The following CFAP43 variants were observed in gnomAD, a reference collection of about 807,000 sequenced individuals.
CFAP43 encodes cilia and flagella associated protein 43.
A neutral mutation model predicts 218.9 loss-of-function variants in CFAP43; 155 were observed. The observed-to-expected ratio is 0.71, with a 90% confidence interval of 0.62 to 0.81. The LOEUF (loss-of-function observed/expected upper bound fraction) is 0.81, where lower values mean the gene tolerates loss of function less well. Among genes scored for constraint, CFAP43 ranks in the 30% least tolerant of loss-of-function variants. The pLI is 0.00. For missense variants in CFAP43, 1,778 were observed against 1,954.3 expected (o/e 0.91, Z 1.70); for synonymous variants, 645 against 681.3 (o/e 0.95, Z 0.83).
chr10:104,188,212 C>T, intron 13 of CFAP43, 58 bp downstream of exon 13: 1 of 1,571,976 alleles, frequency 6.4e-7, no homozygotes. Flanking sequence ...ACCCAAAAAA[C>T]AATAACAACA....
intron 34 of CFAP43, among the ~76,000 whole-genome samples, chr10:104,135,832 T>C (rs1475444245): frequency 6.6e-6 from 1 of 152,094 alleles, no homozygotes; most frequent in African/African-American, 2.4e-5. Flanking sequence ...TCAATGGCTT[T>C]TTTTTTTCAA....
intron 23 of CFAP43, among the ~76,000 whole-genome samples, chr10:104,165,572 C>T (rs1483462162): frequency 6.6e-6 from 1 of 152,130 alleles, no homozygotes; most frequent in East Asian, 1.9e-4. Context: ...TTTTCAGGAA[C>T]AGGGATTGCC....
At chr10:104,179,177 G>T in intron 18 of CFAP43, 71 bp from the exon 19 acceptor site, 1 of 1,289,340 alleles carries the variant, frequency 7.8e-7, no homozygotes, top group Non-Finnish European at 1.1e-6. Flanking sequence ...GAGAGAGAGA[G>T]AGAGCAATTC....
intron 3 of CFAP43, among the ~76,000 whole-genome samples, chr10:104,221,201 C>T (rs1404694149): frequency 2.0e-5 from 3 of 152,320 alleles, no homozygotes; most frequent in Non-Finnish European, 2.9e-5. Context: ...TCTCGAACTC[C>T]TGACCTCAGG....
chr10:104,199,084 C>T (rs1219609955), intron 8 of CFAP43, among the ~76,000 whole-genome samples: 1 of 152,132 alleles, frequency 6.6e-6, no homozygotes, highest in African/African-American at 2.4e-5. Context: ...CTAAATCCTA[C>T]CACATGCTAA....
intron 18 of CFAP43, 49 bp from the exon 19 acceptor site, chr10:104,179,155 C>CAGAGAGAG (rs60561340): frequency 5.6e-6 from 6 of 1,065,704 alleles, no homozygotes; most frequent in African/African-American, 1.6e-5. Context: ...AAATATCAGA[C>CAGAGAGAG]AGAGAGAGAG....
chr10:104,211,599 A>C (rs1222623187), intron 5 of CFAP43, among the ~76,000 whole-genome samples: 1 of 151,508 alleles, frequency 6.6e-6, no homozygotes, highest in Non-Finnish European at 1.5e-5. Flanking sequence ...CTTCCCTTGC[A>C]CCCTTTCTCT....
intron 10 of CFAP43, among the ~76,000 whole-genome samples, chr10:104,195,798 T>G (rs1470889317): frequency 1.3e-5 from 2 of 152,168 alleles, no homozygotes; most frequent in Admixed American, 6.5e-5. Flanking sequence ...TTGTGGTAGG[T>G]GTTTTGGGCA....
At chr10:104,164,455 T>C (rs2089047894) in intron 23 of CFAP43, among the ~76,000 whole-genome samples, 155 bp from the exon 24 acceptor site, 1 of 151,796 alleles carries the variant, frequency 6.6e-6, no homozygotes, top group African/African-American at 2.4e-5. Context: ...TGGAGTGCAG[T>C]GGCATGATCT....
At chr10:104,215,442 A>G (rs1056475107) in intron 3 of CFAP43, among the ~76,000 whole-genome samples, 1 of 151,954 alleles carries the variant, frequency 6.6e-6, no homozygotes, top group African/African-American at 2.4e-5. Context: ...CACATCAACC[A>G]CACTCTTGCT....
chr10:104,172,568 G>A, intron 19 of CFAP43, 33 bp from the exon 20 acceptor site: 1 of 1,542,006 alleles, frequency 6.5e-7, no homozygotes, highest in South Asian at 1.2e-5. Flanking sequence ...GTGCTGACAA[G>A]TAAAGAATTA....
chr10:104,216,273 T>C (rs2091009193), intron 3 of CFAP43, among the ~76,000 whole-genome samples: 1 of 152,198 alleles, frequency 6.6e-6, no homozygotes, highest in Non-Finnish European at 1.5e-5. Context: ...TGCCTAACTT[T>C]ACCTCTGCAG....
At chr10:104,206,371 T>C (rs1564797865) in intron 6 of CFAP43, among the ~76,000 whole-genome samples, 1 of 152,126 alleles carries the variant, frequency 6.6e-6, no homozygotes, top group Admixed American at 6.6e-5. Context: ...GAGCTGGGCA[T>C]TGGCAGATTC....
chr10:104,217,480 C>T (rs1370025652), intron 3 of CFAP43, among the ~76,000 whole-genome samples: 2 of 152,138 alleles, frequency 1.3e-5, no homozygotes, highest in Admixed American at 1.3e-4. Context: ...GAGCCATGTA[C>T]ATCACTGAAT....
chr10:104,183,572 G>A (rs1211895772), intron 16 of CFAP43, among the ~76,000 whole-genome samples: 1 of 151,968 alleles, frequency 6.6e-6, no homozygotes, highest in Non-Finnish European at 1.5e-5. Flanking sequence ...TGTATTTTTA[G>A]TAGAGACGGG....
intron 17 of CFAP43, among the ~76,000 whole-genome samples, chr10:104,180,412 C>T (rs1287536945): frequency 6.6e-6 from 1 of 151,744 alleles, no homozygotes; most frequent in African/African-American, 2.4e-5. Context: ...TCTCACTTGA[C>T]CATCACATTC....
chr10:104,187,210 T>G, intron 14 of CFAP43, 110 bp downstream of exon 14: 1 of 807,284 alleles, frequency 1.2e-6, no homozygotes, highest in South Asian at 4.9e-5. Flanking sequence ...TGAAGGCATT[T>G]GTTAACTGAA....
Position 104,135,278 on chromosome 10 carries a change from C to T in CFAP43, c.4432-1494G>A, listed in dbSNP as rs185175795. Among the ~76,000 whole-genome samples the T allele has an allele frequency of 2.8e-4, 43 of 152,226 alleles. No homozygotes were observed. In the East Asian group the frequency reaches 6.8e-3, roughly 24 times the overall value. On this transcript the variant is annotated intron_variant, in intron 34 of 37. Coordinates refer to ENST00000357060, the MANE Select transcript of CFAP43 (RefSeq NM_025145.7). ...AGAAAACCCATCATAACTTCATACT[C>T]AATGATAAAAGACTGAAAGCTTTCC...
At position 104,166,584 on chromosome 10, in the gene CFAP43, A is replaced by AC. The variant is rs1422062680; in HGVS notation, c.2942dup (p.Ser981ArgfsTer5). 1 of 1,614,156 alleles carries AC rather than the reference A, an allele frequency of 6.2e-7. No individual in the cohort carries two copies. The highest frequency in any genetic ancestry group is 1.7e-5 in the Admixed American group (1 of 60,032). Reference sequence around the variant, plus strand: ...TATCTACCCCAAAATCAGTACTCAGACTACCAAGCAGGTAATTGGGCAAAT... The same window carrying AC: ...TATCTACCCCAAAATCAGTACTCAGACCTACCAAGCAGGTAATTGGGCAAAT... On this transcript the variant is annotated frameshift_variant, in exon 23 of 38. Coordinates refer to ENST00000357060, the MANE Select transcript of CFAP43 (RefSeq NM_025145.7). LOFTEE classifies it high-confidence loss of function.
Sources: gnomAD v4.1 joint callset for allele counts (sites outside exome capture counted in the v4.1 genomes callset) on GRCh38, gnomAD v4.1.1 for gene constraint, MANE v1.5 for transcripts, NCBI Gene and HGNC (gene_info 2026-07-23, HGNC 2026-07-21) for gene names.